Variants in INPP4B observed in about 807,000 individuals in gnomAD.
INPP4B encodes inositol polyphosphate 4-phosphatase type II.
A neutral mutation model predicts 122.5 loss-of-function variants in INPP4B; 55 were observed. That is an observed-to-expected ratio of 0.45 (90% confidence interval 0.36 to 0.56). The LOEUF is 0.56. Among genes scored for constraint, INPP4B ranks in the 20% least tolerant of loss-of-function variants. The pLI, the probability that INPP4B is intolerant of heterozygous loss-of-function variation, is 0.00. For missense variants in INPP4B, 1,000 were observed against 1,097.7 expected, an observed-to-expected ratio of 0.91 and a Z score of 1.26; for synonymous variants, 403 against 388.7, an observed-to-expected ratio of 1.04 and a Z score of -0.43.
At position 142,803,087 on chromosome 4, in the gene INPP4B, G is replaced by A. The variant is rs182216491; in HGVS notation, c.-254+43122C>T. On this transcript the variant is annotated intron_variant, in intron 1 of 25. Coordinates refer to ENST00000262992, the MANE Select transcript of INPP4B (RefSeq NM_001101669.3). ...GGGCGGGAGCTGAGGCAGGAGAATC[G>A]CTTGAACCCAGGAGGCGGAGGTTGC... 1.3e-4 allele frequency among the ~76,000 whole-genome samples: 19 copies of A among 149,750 alleles called. No homozygotes were observed. In the East Asian group the frequency reaches 3.0e-3, roughly 23 times the overall value.
intron 17 of INPP4B, among the ~76,000 whole-genome samples, chr4:142,151,648 C>T (rs1180802974): frequency 1.3e-5 from 2 of 152,160 alleles, no homozygotes; most frequent in African/African-American, 4.8e-5. Context: ...TGATCACCCT[C>T]CTCTTTTGAT....
At chr4:142,202,064 G>A (rs1286733790) in intron 14 of INPP4B, among the ~76,000 whole-genome samples, 1 of 151,870 alleles carries the variant, frequency 6.6e-6, no homozygotes, top group African/African-American at 2.4e-5. Context: ...ACATTTTATA[G>A]TGTCTCAAAA....
intron 1 of INPP4B, among the ~76,000 whole-genome samples, chr4:142,813,025 T>A (rs1779701415): frequency 6.6e-6 from 1 of 152,172 alleles, no homozygotes. Flanking sequence ...CAGCTTCTCA[T>A]GTTCTTGTGA....
At position 142,796,868 on chromosome 4, in the gene INPP4B, ATGTGTGTGTGTG is replaced by A. The variant is rs34860975; in HGVS notation, c.-254+49329_-254+49340del. On this transcript the variant is annotated intron_variant, in intron 1 of 25. Coordinates refer to ENST00000262992, the MANE Select transcript of INPP4B (RefSeq NM_001101669.3). ...TCACAGAAACTGATGCGGAAAACAG[ATGTGTGTGTGTG>A]TGTGTGTGTGTGTGTGTGTGTGTGT... 4.7e-4 allele frequency among the ~76,000 whole-genome samples: 50 copies of A among 105,386 alleles called. No homozygotes were observed. In the East Asian group the frequency reaches 7.0e-3, roughly 15 times the overall value. The allele number at this position is 105,386 out of a possible 152,430, so 69.1% of individuals were successfully genotyped here. A position where few individuals can be genotyped will look rare whatever the true frequency, so the allele number is the denominator to read the frequency against.
intron 2 of INPP4B, among the ~76,000 whole-genome samples, chr4:142,721,331 C>T (rs968852786): frequency 1.3e-5 from 2 of 152,128 alleles, no homozygotes; most frequent in African/African-American, 4.8e-5. Flanking sequence ...AGAGACTCCA[C>T]TATAGAGCAG....
chr4:142,635,511 G>A (rs1748940144), intron 2 of INPP4B, among the ~76,000 whole-genome samples: 1 of 152,166 alleles, frequency 6.6e-6, no homozygotes, highest in Non-Finnish European at 1.5e-5. Context: ...TATACACCAT[G>A]GAATACCATG....
chr4:142,165,640 T>C (rs1238561579), intron 16 of INPP4B, among the ~76,000 whole-genome samples: 6 of 151,822 alleles, frequency 4.0e-5, no homozygotes, highest in African/African-American at 1.4e-4. Context: ...TCAGCCTATG[T>C]ATTGTTATAA....
chr4:142,140,031 T>C (rs545273868), intron 18 of INPP4B, among the ~76,000 whole-genome samples: 30 of 152,252 alleles, frequency 2.0e-4, no homozygotes, highest in African/African-American at 7.2e-4. Context: ...ATAAGGTAAA[T>C]ATAGTGAATT....
At chr4:142,213,042 C>T (rs1439354998) in intron 12 of INPP4B, among the ~76,000 whole-genome samples, 1 of 152,170 alleles carries the variant, frequency 6.6e-6, no homozygotes, top group East Asian at 1.9e-4. Flanking sequence ...ACTATAAGCT[C>T]ACTGTTGTGC....
At chr4:142,318,128 T>C (rs191555041) in intron 7 of INPP4B, among the ~76,000 whole-genome samples, 1 of 152,112 alleles carries the variant, frequency 6.6e-6, no homozygotes, top group Non-Finnish European at 1.5e-5. Flanking sequence ...ATGGGGACAA[T>C]AGACCCTACA....
At chr4:142,733,967 A>C (rs1318200915) in intron 1 of INPP4B, among the ~76,000 whole-genome samples, 1 of 152,232 alleles carries the variant, frequency 6.6e-6, no homozygotes, top group Non-Finnish European at 1.5e-5. Flanking sequence ...AACCATGTTA[A>C]AGAAAGAAGT....
intron 2 of INPP4B, among the ~76,000 whole-genome samples, chr4:142,720,176 A>C (rs540678448): frequency 1.3e-4 from 20 of 152,344 alleles, no homozygotes; most frequent in African/African-American, 4.6e-4. Flanking sequence ...TGGTTTAGAA[A>C]ATAATTCAAA....
chr4:142,481,876 G>T (rs780698663), intron 2 of INPP4B, among the ~76,000 whole-genome samples: 1 of 152,156 alleles, frequency 6.6e-6, no homozygotes, highest in African/African-American at 2.4e-5. Flanking sequence ...ATAAGGAACT[G>T]GACTTCTATG....
chr4:142,335,537 G>A (rs1305069878), intron 7 of INPP4B, among the ~76,000 whole-genome samples: 1 of 152,154 alleles, frequency 6.6e-6, no homozygotes, highest in Non-Finnish European at 1.5e-5. Context: ...AAATACTGGT[G>A]CAAGTCTAAT....
intron 14 of INPP4B, among the ~76,000 whole-genome samples, chr4:142,195,404 T>C (rs1355050172): frequency 2.0e-5 from 3 of 152,126 alleles, no homozygotes. Flanking sequence ...TACTTAAAAA[T>C]GTATTAAGAG....
At chr4:142,084,794 A>C (rs571809103) in intron 24 of INPP4B, among the ~76,000 whole-genome samples, 1 of 152,266 alleles carries the variant, frequency 6.6e-6, no homozygotes, top group African/African-American at 2.4e-5. Flanking sequence ...TTGTGTTTAT[A>C]CATGTGTATC....
intron 21 of INPP4B, among the ~76,000 whole-genome samples, chr4:142,117,660 T>C (rs556309495): frequency 6.6e-6 from 1 of 152,218 alleles, no homozygotes; most frequent in South Asian, 2.1e-4. Flanking sequence ...ATGGGACGTA[T>C]CTCAAAATAA....
At chr4:142,689,643 C>T (rs1463027543) in intron 2 of INPP4B, among the ~76,000 whole-genome samples, 1 of 152,098 alleles carries the variant, frequency 6.6e-6, no homozygotes, top group African/African-American at 2.4e-5. Context: ...TACCTAGCAA[C>T]ATTAATTCTG....
chr4:142,747,055 TGAAA>T (rs1768869115), intron 1 of INPP4B, among the ~76,000 whole-genome samples: 1 of 151,948 alleles, frequency 6.6e-6, no homozygotes, highest in African/African-American at 2.4e-5. Context: ...TTCTGCACAG[TGAAA>T]GAAACTCTCA....
Sources: allele counts gnomAD v4.1 joint callset (sites outside exome capture counted in the v4.1 genomes callset), GRCh38; gene constraint gnomAD v4.1.1; transcripts MANE v1.5; gene names NCBI Gene and HGNC (gene_info 2026-07-23, HGNC 2026-07-21).